Variants in LNX2 observed in about 807,000 individuals in gnomAD.
LNX2 encodes ligand of Numb protein X 2.
LNX2 carries 35 observed loss-of-function variants against 66.2 expected under a neutral mutation model. The observed-to-expected ratio is 0.53, with a 90% CI of 0.40 to 0.70. The LOEUF (loss-of-function observed/expected upper bound fraction) is 0.70. LNX2 is among the 30% of genes least tolerant of loss of function. The probability of loss-of-function intolerance (pLI) is 0.00; values close to 1 mark genes in which losing one functional copy is unlikely to be tolerated. For synonymous variants in LNX2, 337 were observed against 315.6 expected (o/e 1.07, Z -0.72); for missense variants, 791 against 850.8 (o/e 0.93, Z 0.87).
At chr13:27,555,432 G>T (rs1397228461) in intron 7 of LNX2, among the ~76,000 whole-genome samples, 3 of 152,042 alleles carry the variant, frequency 2.0e-5, no homozygotes, top group Non-Finnish European at 4.4e-5. Flanking sequence ...CCATTCTGTG[G>T]GTTATTTTTT....
intron 1 of LNX2, among the ~76,000 whole-genome samples, chr13:27,583,235 T>TGC (rs1955434724): frequency 5.8e-5 from 1 of 17,144 alleles, no homozygotes; most frequent in Non-Finnish European, 1.2e-4. Flanking sequence ...TGTGTGTGTG[T>TGC]GTGTGTGTGT....
intron 9 of LNX2, among the ~76,000 whole-genome samples, chr13:27,548,974 C>T (rs917737080): frequency 6.6e-6 from 1 of 152,066 alleles, no homozygotes; most frequent in African/African-American, 2.4e-5. Flanking sequence ...CTTATAATTA[C>T]CATAATTATC....
At chr13:27,603,834 T>TA (rs977526327) in intron 1 of LNX2, among the ~76,000 whole-genome samples, 6 of 152,026 alleles carry the variant, frequency 3.9e-5, no homozygotes, top group Non-Finnish European at 7.4e-5. Flanking sequence ...AAAAAATGAC[T>TA]ATTATGTATT....
intron 1 of LNX2, among the ~76,000 whole-genome samples, chr13:27,603,556 T>A (rs1447261729): frequency 6.6e-6 from 1 of 152,154 alleles, no homozygotes; most frequent in Non-Finnish European, 1.5e-5. Context: ...ACAGTCCACA[T>A]CAGTAAACAG....
chr13:27,587,824 A>G (rs1320034336), intron 1 of LNX2, among the ~76,000 whole-genome samples: 10 of 152,114 alleles, frequency 6.6e-5, no homozygotes, highest in African/African-American at 2.2e-4. Flanking sequence ...GATCAAGACC[A>G]TCCTGGCTAA....
intron 2 of LNX2, among the ~76,000 whole-genome samples, chr13:27,573,006 T>C (rs1955301172): frequency 6.6e-6 from 1 of 152,170 alleles, no homozygotes; most frequent in African/African-American, 2.4e-5. Flanking sequence ...GTAAGAACAC[T>C]GGAAGAAATT....
Position 27,559,832 on chromosome 13 carries a change from A to AC in LNX2, c.1368+9_1368+10insG, listed in dbSNP as rs1566116690. On this transcript the variant is annotated intron_variant, in intron 6 of 9. Coordinates refer to ENST00000316334, the MANE Select transcript of LNX2 (RefSeq NM_153371.4). ...TTGATGGTGGCATAAAAAAAAAAAAAAATCCTCACCTTATGTGAGCTTGGT... is the reference window on the plus strand; with the variant it reads ...TTGATGGTGGCATAAAAAAAAAAAAACAATCCTCACCTTATGTGAGCTTGGT... 3.3e-6 allele frequency: 5 copies of AC among 1,501,416 alleles called. No individual in the cohort carries two copies. The highest frequency in any genetic ancestry group is 4.5e-6 in the Non-Finnish European group (5 of 1,121,050). 93.0% of individuals were successfully genotyped at this position (1,501,416 alleles called of 1,614,324 possible). A position where few individuals can be genotyped will look rare whatever the true frequency, so the allele number is the denominator to read the frequency against.
chr13:27,577,915 A>T (rs1277756821), intron 2 of LNX2, among the ~76,000 whole-genome samples: 1 of 152,218 alleles, frequency 6.6e-6, no homozygotes, highest in African/African-American at 2.4e-5. Flanking sequence ...AATTTCAAAG[A>T]AACAATCAAA....
chr13:27,582,539 C>G (rs1272951779), intron 1 of LNX2, among the ~76,000 whole-genome samples: 3 of 152,182 alleles, frequency 2.0e-5, no homozygotes, highest in Non-Finnish European at 4.4e-5. Flanking sequence ...CTTAGACATG[C>G]TTCTTTGCTT....
At chr13:27,556,443 T>G in intron 6 of LNX2, 30 bp from the exon 7 acceptor site, 4 of 1,584,346 alleles carry the variant, frequency 2.5e-6, no homozygotes, top group Non-Finnish European at 3.5e-6. Context: ...AATCATTGGA[T>G]AATGAATAAA....
chr13:27,583,622 A>G (rs1566125088), intron 1 of LNX2, among the ~76,000 whole-genome samples: 2 of 152,024 alleles, frequency 1.3e-5, no homozygotes, highest in South Asian at 2.1e-4. Flanking sequence ...TGCTCCCCTC[A>G]TCTAACGGTT....
intron 2 of LNX2, among the ~76,000 whole-genome samples, chr13:27,570,772 A>G (rs970473102): frequency 6.0e-5 from 9 of 148,922 alleles, no homozygotes; most frequent in African/African-American, 1.0e-4. Context: ...AAATCACATC[A>G]TACACAAATA....
Position 27,546,715 on chromosome 13 carries a change from G to A in LNX2, c.*1620C>T, listed in dbSNP as rs1043217525. 1 of 152,054 alleles carries A rather than the reference G, an allele frequency of 6.6e-6. No individual in the cohort carries two copies. Among genetic ancestry groups the A allele is most frequent in the Non-Finnish European group, 1.5e-5 (1 of 67,994 alleles). 9.4% of individuals were successfully genotyped at this position (152,054 alleles called of 1,614,324 possible). A position where few individuals can be genotyped will look rare whatever the true frequency, so the allele number is the denominator to read the frequency against. On this transcript the variant is annotated 3_prime_UTR_variant, in exon 10 of 10. Coordinates refer to ENST00000316334, the MANE Select transcript of LNX2 (RefSeq NM_153371.4). ...TGTAGTATTCTGAAATACATTCTCT[G>A]ATTATCAATACCATTTATTACAGAG...
chr13:27,598,320 C>G (rs1955621518), intron 1 of LNX2, among the ~76,000 whole-genome samples: 1 of 151,870 alleles, frequency 6.6e-6, no homozygotes, highest in Non-Finnish European at 1.5e-5. Context: ...ATGTAGGCCA[C>G]TAAAATTAGA....
intron 4 of LNX2, among the ~76,000 whole-genome samples, chr13:27,563,863 T>C (rs1228701312): frequency 1.3e-5 from 2 of 152,208 alleles, no homozygotes; most frequent in Non-Finnish European, 2.9e-5. Flanking sequence ...AGTCACCAAA[T>C]GCACAGATGT....
chr13:27,575,674 TG>T (rs1955334080), intron 2 of LNX2, among the ~76,000 whole-genome samples: 2 of 152,100 alleles, frequency 1.3e-5, no homozygotes, highest in African/African-American at 2.4e-5. Context: ...GAGCAGAACG[TG>T]TAATTTTTCA....
chr13:27,562,591 T>C lies in LNX2; in HGVS notation c.1046A>G (p.Glu349Gly). ...TCGCACCAATTTAATGCCAAGCTGT[T>C]CACCAGAGTCCCGTTTATGAAGAGC... is the stretch of plus-strand genomic sequence containing the variant. ...QVALHKRDSG[E>G]QLGIKLVRRT... Residue 349 changes from glutamate to glycine, a missense_variant, in exon 5 of 10, where the codon GAA becomes GGA. Physicochemically the swap from Glu to Gly is moderately conservative, Grantham distance 98 (BLOSUM62 -2). Transcript: ENST00000316334. 2 of 1,614,166 alleles carry C rather than the reference T, an allele frequency of 1.2e-6. No homozygotes were observed. Among genetic ancestry groups the C allele is most frequent in the East Asian group, 2.2e-5 (1 of 44,868 alleles).
chr13:27,583,255 T>TGTGTGTGCGCGCGCGCGCGCGC (rs1555268514), intron 1 of LNX2, among the ~76,000 whole-genome samples: 4 of 58,530 alleles, frequency 6.8e-5, no homozygotes, highest in Non-Finnish European at 1.3e-4. Context: ...TGTGTGTGTG[T>TGTGTGTGCGCGCGCGCGCGCGC]GCGCGCGTCC....
intron 1 of LNX2, among the ~76,000 whole-genome samples, chr13:27,612,127 C>T (rs1241259026): frequency 6.6e-6 from 1 of 152,166 alleles, no homozygotes; most frequent in Admixed American, 6.5e-5. Context: ...CTCATTTCCT[C>T]CATGAAATAA....
Sources: gnomAD v4.1 joint callset for allele counts (sites outside exome capture counted in the v4.1 genomes callset) on GRCh38, gnomAD v4.1.1 for gene constraint, MANE v1.5 for transcripts, NCBI Gene and HGNC (gene_info 2026-07-23, HGNC 2026-07-21) for gene names.